GABRG3: variants seen among roughly 807,000 people sequenced by gnomAD.
GABRG3 encodes the protein gamma-aminobutyric acid type A receptor subunit gamma3.
In GABRG3, 25 loss-of-function variants were observed where a neutral mutation model predicts 48.8. The observed-to-expected ratio is 0.51, with a 90% CI of 0.37 to 0.72. GABRG3 has a LOEUF of 0.72. Among genes scored for constraint, GABRG3 ranks in the 30% least tolerant of loss-of-function variants. The pLI is 0.00. For missense variants in GABRG3, 394 were observed against 577.9 expected (o/e 0.68, Z 3.26); for synonymous variants, 227 against 217.6 (o/e 1.04, Z -0.38).
chr15:27,097,127 C>T (rs564415937), intron 3 of GABRG3, among the ~76,000 whole-genome samples: 1 of 151,696 alleles, frequency 6.6e-6, no homozygotes, highest in South Asian at 2.1e-4. Flanking sequence ...GCTGGGATTA[C>T]AGGTGTGAGC....
chr15:27,166,599 G>T (rs881203), intron 3 of GABRG3, among the ~76,000 whole-genome samples: 1 of 151,868 alleles, frequency 6.6e-6, no homozygotes, highest in African/African-American at 2.4e-5. Context: ...CCCATGACTC[G>T]CAGCCCACCC....
chr15:27,114,282 C>T lies in GABRG3; in HGVS notation c.270+87461C>T, dbSNP rs1897604789. 1.3e-5 allele frequency among the ~76,000 whole-genome samples: 2 copies of T among 152,158 alleles called. 1 individual carries two copies. Among genetic ancestry groups the T allele is most frequent in the South Asian group, 4.1e-4 (2 of 4,820 alleles). ...CCCCTGGGGGTACTGATTGCCATTA[C>T]AGTAGACATTGTTTCTAGGATTTTT... On this transcript the variant is annotated intron_variant, in intron 3 of 9. Transcript: ENST00000615808.
intron 5 of GABRG3, among the ~76,000 whole-genome samples, chr15:27,405,568 A>C (rs1887605353): frequency 6.6e-6 from 1 of 152,140 alleles, no homozygotes; most frequent in South Asian, 2.1e-4. Flanking sequence ...ATACAAGAAA[A>C]ATTTCACTTA....
At chr15:27,355,068 G>A (rs1894790814) in intron 5 of GABRG3, among the ~76,000 whole-genome samples, 1 of 152,184 alleles carries the variant, frequency 6.6e-6, no homozygotes, top group Non-Finnish European at 1.5e-5. Context: ...GACCCAGGGT[G>A]TTTGGCCATT....
intron 5 of GABRG3, among the ~76,000 whole-genome samples, chr15:27,471,656 C>CA (rs1889790954): frequency 6.6e-6 from 1 of 152,134 alleles, no homozygotes; most frequent in Non-Finnish European, 1.5e-5. Context: ...ATAATTTTTG[C>CA]AAATGTGGTT....
intron 3 of GABRG3, among the ~76,000 whole-genome samples, chr15:27,197,383 A>T (rs1888527762): frequency 6.6e-6 from 1 of 152,112 alleles, no homozygotes; most frequent in South Asian, 2.1e-4. Context: ...AGCAAGAAGA[A>T]GTTTATGTTC....
chr15:27,090,464 G>A (rs1419106567), intron 3 of GABRG3, among the ~76,000 whole-genome samples: 3 of 152,160 alleles, frequency 2.0e-5, no homozygotes, highest in Admixed American at 6.5e-5. Flanking sequence ...AACTGCCAAA[G>A]TGTTTTCTAT....
rs535295684 is a variant in GABRG3, at chr15:27,348,155, C to CAAAAAAAAAAAAA, written c.574+19270_574+19271insAAAAAAAAAAAAA. Among the ~76,000 whole-genome samples the CAAAAAAAAAAAAA allele has an allele frequency of 8.9e-4, 92 of 102,966 alleles. 12 individuals are homozygous for CAAAAAAAAAAAAA. Among genetic ancestry groups the CAAAAAAAAAAAAA allele is most frequent in the African/African-American group, 3.2e-3 (71 of 21,946 alleles). The allele number at this position is 102,966 out of a possible 152,430, so 67.5% of individuals were successfully genotyped here. A position where few individuals can be genotyped will look rare whatever the true frequency, so the allele number is the denominator to read the frequency against. ...TGGGTGACAGAGCGAGACTCCATCT[C>CAAAAAAAAAAAAA]AAATAAATAAAGAGTTGGAGATTTT... On this transcript the variant is annotated intron_variant, in intron 5 of 9. Coordinates refer to ENST00000615808, the MANE Select transcript of GABRG3 (RefSeq NM_033223.5).
intron 3 of GABRG3, among the ~76,000 whole-genome samples, chr15:27,139,453 G>A (rs946120449): frequency 6.6e-6 from 1 of 152,146 alleles, no homozygotes. Context: ...AGGTGATGGG[G>A]ATCATCCTTT....
At chr15:27,008,579 A>T (rs965000342) in intron 2 of GABRG3, among the ~76,000 whole-genome samples, 2 of 151,990 alleles carry the variant, frequency 1.3e-5, no homozygotes, top group African/African-American at 4.8e-5. Flanking sequence ...AAACTAATTA[A>T]TCTGGCTGTT....
At chr15:27,309,167 C>CAT (rs1257551445) in intron 3 of GABRG3, among the ~76,000 whole-genome samples, 2 of 134,544 alleles carry the variant, frequency 1.5e-5, no homozygotes, top group Non-Finnish European at 3.0e-5. Context: ...ATAATGTAAA[C>CAT]AGATGTTTAT....
intron 3 of GABRG3, among the ~76,000 whole-genome samples, chr15:27,101,773 C>T (rs1449014756): frequency 6.8e-6 from 1 of 148,114 alleles, no homozygotes; most frequent in Non-Finnish European, 1.5e-5. Flanking sequence ...TTCCCTGGGC[C>T]ACACTGGAAG....
intron 3 of GABRG3, among the ~76,000 whole-genome samples, chr15:27,257,249 A>C (rs1890650245): frequency 6.6e-6 from 1 of 151,690 alleles, no homozygotes; most frequent in Non-Finnish European, 1.5e-5. Context: ...TTTTAAAATC[A>C]GTTTATTTTC....
At chr15:27,483,891 C>T (rs938206920) in intron 6 of GABRG3, among the ~76,000 whole-genome samples, 3 of 152,304 alleles carry the variant, frequency 2.0e-5, no homozygotes, top group East Asian at 1.9e-4. Flanking sequence ...TGACCTTTCC[C>T]TTGCACTAGC....
intron 3 of GABRG3, among the ~76,000 whole-genome samples, chr15:27,204,060 G>A (rs1181881418): frequency 6.6e-6 from 1 of 151,872 alleles, no homozygotes; most frequent in Non-Finnish European, 1.5e-5. Context: ...GTTTAATTAA[G>A]TCTCACTTGT....
In GABRG3 at chr15:27,236,417, G is replaced by A. The variant is rs575061458; in HGVS notation, c.271-90392G>A. On this transcript the variant is annotated intron_variant, in intron 3 of 9. Transcript: ENST00000615808. This position sits in a 1 kb window ranked among gnomAD's most constrained non-coding sequence, Gnocchi z 4.4. ...GAGAAACCTTAGAAACTGAGTTCCC[G>A]GCCATGACAGGACAGGAGGTAGGAC... Among the ~76,000 whole-genome samples, 9 of 152,254 alleles carry A rather than the reference G, an allele frequency of 5.9e-5. No individual in the cohort carries two copies. The highest frequency in any genetic ancestry group is 2.1e-4 in the South Asian group (1 of 4,822).
intron 3 of GABRG3, among the ~76,000 whole-genome samples, chr15:27,140,801 C>T (rs984650764): frequency 6.6e-5 from 10 of 151,838 alleles, no homozygotes; most frequent in Non-Finnish European, 1.3e-4. Flanking sequence ...TTTTCTTCTG[C>T]GCTGTATGTT....
chr15:27,307,006 G>GAAACATGTTTATATATAAACATA lies in GABRG3; in HGVS notation c.271-19803_271-19802insAAACATGTTTATATATAAACATA. 2.5e-5 allele frequency among the ~76,000 whole-genome samples: 2 copies of GAAACATGTTTATATATAAACATA among 78,598 alleles called. 1 individual carries two copies. The highest frequency in any genetic ancestry group is 4.7e-5 in the Non-Finnish European group (2 of 42,816). The allele number at this position is 78,598 out of a possible 152,430, so 51.6% of individuals were successfully genotyped here. A position where few individuals can be genotyped will look rare whatever the true frequency, so the allele number is the denominator to read the frequency against. On this transcript the variant is annotated intron_variant, in intron 3 of 9. Transcript: ENST00000615808. ...TATAAACATGTTTATATATAAACAT[G>GAAACATGTTTATATATAAACATA]TATAAACATGTTTATATATAAACAT...
chr15:27,052,750 A>G (rs1432827378), intron 3 of GABRG3, among the ~76,000 whole-genome samples: 2 of 152,226 alleles, frequency 1.3e-5, no homozygotes, highest in Non-Finnish European at 2.9e-5. Context: ...AGAGGGAAAC[A>G]CAATTTCATA....
Sources: allele counts gnomAD v4.1 joint callset (sites outside exome capture counted in the v4.1 genomes callset), GRCh38; gene constraint gnomAD v4.1.1; non-coding constraint Gnocchi (gnomAD v3.1); transcripts MANE v1.5; gene names NCBI Gene and HGNC (gene_info 2026-07-23, HGNC 2026-07-21).